RPAP1: variants seen among roughly 807,000 people sequenced by gnomAD.
RPAP1 encodes the protein RNA polymerase II associated protein 1.
A neutral mutation model predicts 142.4 loss-of-function variants in RPAP1; 109 were observed. The ratio of observed to expected loss-of-function variants is 0.77; its 90% CI spans 0.66 to 0.90. The LOEUF (loss-of-function observed/expected upper bound fraction) is 0.90. Among genes scored for constraint, RPAP1 ranks in the 40% least tolerant of loss-of-function variants. The pLI is 0.00. For synonymous variants in RPAP1, 704 were observed against 738.9 expected (o/e 0.95, Z 0.77); for missense variants, 1,546 against 1,751.7 (o/e 0.88, Z 2.10).
chr15:41,539,364 G>A (rs1277262712), intron 1 of RPAP1, among the ~76,000 whole-genome samples: 5 of 151,696 alleles, frequency 3.3e-5, no homozygotes, highest in African/African-American at 7.3e-5. Flanking sequence ...GCGCGATCTC[G>A]GCTCACTGCA....
In RPAP1 at chr15:41,523,751, A is replaced by G. The variant is rs760636098; in HGVS notation, c.2436+20T>C. The G allele has an allele frequency of 1.9e-6, 3 of 1,572,620 alleles. No individual in the cohort carries two copies. Among genetic ancestry groups the G allele is most frequent in the Admixed American group, 3.7e-5 (2 of 54,234 alleles). ...GGCAGGGTGCGGGGGCCTGGTGGACAGCCGGCAGGAGGCACTCACTTGCTG... is the reference window on the plus strand; with the variant it reads ...GGCAGGGTGCGGGGGCCTGGTGGACGGCCGGCAGGAGGCACTCACTTGCTG... On this transcript the variant is annotated intron_variant, in intron 17 of 24. Coordinates refer to ENST00000304330, the MANE Select transcript of RPAP1 (RefSeq NM_015540.4).
At chr15:41,519,285 G>A (rs1220046357) in intron 22 of RPAP1, among the ~76,000 whole-genome samples, 2 of 152,066 alleles carry the variant, frequency 1.3e-5, no homozygotes, top group African/African-American at 2.4e-5. Context: ...TCGGCTCATG[G>A]CAACCTCTGC....
chr15:41,521,578 C>T (rs780720855), intron 21 of RPAP1, among the ~76,000 whole-genome samples, 160 bp downstream of exon 21: 7 of 152,256 alleles, frequency 4.6e-5, no homozygotes, highest in Admixed American at 1.3e-4. Context: ...TTAGCCTGAT[C>T]CTCACTTCAC....
chr15:41,534,842 C>T lies in RPAP1; in HGVS notation c.635G>A (p.Gly212Glu), dbSNP rs753000643. The T allele has an allele frequency of 6.8e-6, 11 of 1,614,070 alleles. No homozygotes were observed. Among genetic ancestry groups the T allele is most frequent in the African/African-American group, 2.7e-5 (2 of 74,922 alleles). The change falls in exon 6 of 25, where the codon GGG becomes GAG. Residue 212 changes from glycine (G) to glutamate (E), a missense_variant. By Grantham distance (98) the Gly-to-Glu change is moderately conservative. This residue lies in a region of RPAP1 where 1,333 missense variants were observed against 1,486.6 expected (regional missense o/e 0.90). Coordinates refer to ENST00000304330, the MANE Select transcript of RPAP1 (RefSeq NM_015540.4). ...HSFQGPNLVT[G>E]KGLRDQEAEQ... ...AGCTTCTTGATCCCTGAGCCCCTTC[C>T]CTGTGACCAGATTGGGTCCCTGAAA...
Position 41,520,422 on chromosome 15 carries a change from G to C in RPAP1, c.3764C>G (p.Ala1255Gly), listed in dbSNP as rs139109690. Reference sequence around the variant, plus strand: ...CAGAGGCAGGCTCAGAGCTCGCAAGGCTCCCACGTGTTCCCCAAAGAGGGC... The same window carrying C: ...CAGAGGCAGGCTCAGAGCTCGCAAGCCTCCCACGTGTTCCCCAAAGAGGGC... The part of the protein sequence containing the change: ...RLALFGEHVG[A>G]LRALSLPLTQ... Residue 1255 changes from alanine to glycine, a missense_variant, in exon 22 of 25, where the codon GCC becomes GGC. By Grantham distance (60) the Ala-to-Gly change is moderately conservative (BLOSUM62 0). This residue lies in a region of RPAP1 where 210 missense variants were observed against 248.0 expected (regional missense o/e 0.85). Transcript: ENST00000304330. 8 of 1,613,600 alleles carry C rather than the reference G, an allele frequency of 5.0e-6. No homozygotes were observed. In the African/African-American group the frequency reaches 5.3e-5, roughly 11 times the overall value.
chr15:41,528,099 T>G, intron 10 of RPAP1, 72 bp from the exon 11 acceptor site: 1 of 1,563,884 alleles, frequency 6.4e-7, no homozygotes, highest in South Asian at 1.2e-5. Flanking sequence ...ATCCTTCGTT[T>G]GCCCCCCTAT....
intron 19 of RPAP1, 98 bp from the exon 20 acceptor site, chr15:41,522,348 G>A: frequency 8.5e-7 from 1 of 1,178,250 alleles, no homozygotes; most frequent in Non-Finnish European, 1.2e-6. Context: ...GGAAATGAGT[G>A]CCAGCAGAAG....
Position 41,522,845 on chromosome 15 carries a change from C to T in RPAP1, c.2662G>A (p.Ala888Thr). 6.3e-7 allele frequency: 1 copy of T among 1,584,282 alleles called. No homozygotes were observed. The highest frequency in any genetic ancestry group is 1.9e-5 in the Admixed American group (1 of 51,328). ...GCAGTGAGGAATGGGAAGGGTGAGG[C>T]TGAGCCAGCCAGACTGAGACGGGGG... ...GCPRLSLAGS[A>T]SPFPFLTALL... Residue 888 changes from alanine to threonine, a missense_variant, in exon 19 of 25, where the codon GCC (alanine) becomes ACC (threonine). Transcript: ENST00000304330.
intron 14 of RPAP1, among the ~76,000 whole-genome samples, chr15:41,526,606 TA>T (rs2051792856): frequency 6.6e-6 from 1 of 152,182 alleles, no homozygotes; most frequent in Non-Finnish European, 1.5e-5. Context: ...TACTTGGCTA[TA>T]GATGATGAAT....
At chr15:41,531,591 G>GCACACA (rs542148991) in intron 6 of RPAP1, among the ~76,000 whole-genome samples, 48 of 126,690 alleles carry the variant, frequency 3.8e-4, no homozygotes, top group South Asian at 3.0e-3. Flanking sequence ...ATTTATTTAT[G>GCACACA]CACACACACA....
Position 41,536,489 on chromosome 15 carries a change from A to C in RPAP1, c.330+12T>G. The C allele has an allele frequency of 6.2e-7, 1 of 1,613,854 alleles. No individual in the cohort carries two copies. The highest frequency in any genetic ancestry group is 1.3e-5 in the African/African-American group (1 of 75,032). On this transcript the variant is annotated intron_variant, in intron 3 of 24. Transcript: ENST00000304330. Reference sequence around the variant, plus strand: ...AGAACATCTTATCCTACTCAGCCAGAGTGAGACGCACAATAATCTTAGTCA... The same window carrying C: ...AGAACATCTTATCCTACTCAGCCAGCGTGAGACGCACAATAATCTTAGTCA...
In RPAP1 at chr15:41,536,513, C is replaced by A. The variant is rs376246565; in HGVS notation, c.318G>T (p.Leu106Phe). The A allele has an allele frequency of 3.1e-6, 5 of 1,613,948 alleles. No individual in the cohort carries two copies. Among genetic ancestry groups the A allele is most frequent in the Admixed American group, 3.3e-5 (2 of 59,970 alleles). Residue 106 changes from leucine (L) to phenylalanine (F), a missense_variant, in exon 3 of 25, where the codon TTG (leucine) becomes TTT (phenylalanine). Around this residue, in one of 3 missense-constraint regions of RPAP1, gnomAD observed 1,333 missense variants for 1,486.6 expected, o/e 0.90. Transcript: ENST00000304330. ...GAGTGAGACGCACAATAATCTTAGT[C>A]AAGACAGCAGTGATGTGCTGATCAT... ...RRHDQHITAV[L>F]TKIIERDTSS... is the part of the protein sequence containing the mutation.
intron 9 of RPAP1, among the ~76,000 whole-genome samples, chr15:41,528,914 G>C (rs1254886285): frequency 6.6e-6 from 1 of 152,182 alleles, no homozygotes; most frequent in Non-Finnish European, 1.5e-5. Flanking sequence ...GGAATGGCAG[G>C]GGGGCGGAGA....
chr15:41,520,950 C>T lies in RPAP1; in HGVS notation c.3236G>A (p.Gly1079Glu). Residue 1079 changes from glycine to glutamate, a missense_variant, in exon 22 of 25, where the codon GGG (glycine) becomes GAG (glutamate). Gly to Glu is a moderately conservative substitution (Grantham distance 98). Transcript: ENST00000304330. ...SLLASQALHR[G>E]ELQRVPTLLL... Reference sequence around the variant, plus strand: ...CAGGGTTGGGACTCGCTGTAGCTCCCCTCGGTGCAGAGCCTGGGAGGCCAG... The same window carrying T: ...CAGGGTTGGGACTCGCTGTAGCTCCTCTCGGTGCAGAGCCTGGGAGGCCAG... 1 of 1,611,548 alleles carries T rather than the reference C, an allele frequency of 6.2e-7. No individual in the cohort carries two copies. The highest frequency in any genetic ancestry group is 8.5e-7 in the Non-Finnish European group (1 of 1,178,796).
At chr15:41,539,187 C>A (rs756016296) in intron 1 of RPAP1, among the ~76,000 whole-genome samples, 1 of 152,166 alleles carries the variant, frequency 6.6e-6, no homozygotes, top group Non-Finnish European at 1.5e-5. Flanking sequence ...TGGCTCACTG[C>A]AACCTCTACC....
intron 3 of RPAP1, 62 bp downstream of exon 3, chr15:41,536,439 G>A (rs991843477): frequency 3.0e-5 from 48 of 1,589,804 alleles, no homozygotes; most frequent in African/African-American, 2.4e-4. Context: ...CACCCACCCC[G>A]AGCATCCAAT....
chr15:41,543,095 G>A (rs1046292802), intron 1 of RPAP1, among the ~76,000 whole-genome samples: 1 of 152,044 alleles, frequency 6.6e-6, no homozygotes, highest in African/African-American at 2.4e-5. Context: ...GAGCCAGGGG[G>A]TTATGGGCAC....
chr15:41,523,239 A>G lies in RPAP1; in HGVS notation c.2546+6T>C. 1 of 1,569,642 alleles carries G rather than the reference A, an allele frequency of 6.4e-7. No homozygotes were observed. The highest frequency in any genetic ancestry group is 1.4e-5 in the African/African-American group (1 of 73,386). On this transcript the variant is annotated splice_donor_region_variant and intron_variant, in intron 18 of 24. Coordinates refer to ENST00000304330, the MANE Select transcript of RPAP1 (RefSeq NM_015540.4). ...GCTTCCCCCAGCTACCAAACACAGTACATACCTAAGGGAATCCCACAGGCT... is the reference window on the plus strand; with the variant it reads ...GCTTCCCCCAGCTACCAAACACAGTGCATACCTAAGGGAATCCCACAGGCT...
chr15:41,533,919 C>T (rs181075867), intron 6 of RPAP1, among the ~76,000 whole-genome samples: 15 of 151,326 alleles, frequency 9.9e-5, no homozygotes, highest in African/African-American at 1.7e-4. Context: ...GTCAGGAGTT[C>T]GACACCAGCC....
Sources: allele counts gnomAD v4.1 joint callset (sites outside exome capture counted in the v4.1 genomes callset), GRCh38; gene constraint gnomAD v4.1.1; regional missense constraint gnomAD v4.1.1; transcripts MANE v1.5; gene names NCBI Gene and HGNC (gene_info 2026-07-23, HGNC 2026-07-21).